The following LUZP2 variants were observed in gnomAD, a reference collection of about 807,000 sequenced individuals.
LUZP2 encodes the protein leucine zipper protein 2.
A neutral mutation model predicts 51.6 loss-of-function variants in LUZP2; 52 were observed. The observed-to-expected ratio is 1.01, with a 90% CI of 0.81 to 1.27. LUZP2 has a LOEUF of 1.27. Ranked by LOEUF, LUZP2 falls within the 50% of genes most tolerant of loss-of-function variation. LUZP2 has a pLI of 0.00. For missense variants in LUZP2, 436 were observed against 395.4 expected (o/e 1.10, Z -0.87); for synonymous variants, 154 against 137.3 (o/e 1.12, Z -0.85).
intron 10 of LUZP2, among the ~76,000 whole-genome samples, chr11:25,060,679 A>G (rs954977460): frequency 5.9e-5 from 9 of 152,198 alleles, no homozygotes; most frequent in Admixed American, 2.0e-4. Context: ...CCATAGGCAA[A>G]TACTGTTCTG....
At chr11:24,946,387 A>G (rs4923222) in intron 7 of LUZP2, among the ~76,000 whole-genome samples, 4 of 151,836 alleles carry the variant, frequency 2.6e-5, no homozygotes, top group African/African-American at 9.6e-5. Context: ...TTTGTTTCTG[A>G]TATGTCTCAT....
intron 1 of LUZP2, among the ~76,000 whole-genome samples, chr11:24,701,732 A>G (rs1404824828): frequency 6.6e-6 from 1 of 152,142 alleles, no homozygotes; most frequent in Non-Finnish European, 1.5e-5. Context: ...GTGATTTTTT[A>G]AGAGGTGACA....
intron 9 of LUZP2, among the ~76,000 whole-genome samples, chr11:24,998,040 A>C (rs1856560434): frequency 6.6e-6 from 1 of 152,082 alleles, no homozygotes; most frequent in Non-Finnish European, 1.5e-5. Context: ...ATATAGTTTG[A>C]AGTCAGGTAG....
At chr11:24,926,719 T>A (rs1457102496) in intron 7 of LUZP2, among the ~76,000 whole-genome samples, 1 of 150,808 alleles carries the variant, frequency 6.6e-6, no homozygotes, top group African/African-American at 2.4e-5. Context: ...AGTATCTTTT[T>A]TGCATAATGA....
intron 10 of LUZP2, among the ~76,000 whole-genome samples, chr11:25,062,953 C>T (rs990077686): frequency 6.6e-6 from 1 of 151,368 alleles, no homozygotes; most frequent in African/African-American, 2.4e-5. Flanking sequence ...ATAATGAATA[C>T]TTCTTAGTGC....
At chr11:24,959,535 C>T (rs1283128239) in intron 7 of LUZP2, among the ~76,000 whole-genome samples, 2 of 152,078 alleles carry the variant, frequency 1.3e-5, no homozygotes, top group Non-Finnish European at 2.9e-5. Flanking sequence ...TGGGAGTTCA[C>T]TCATGATTTG....
At chr11:24,747,988 G>T (rs569052080) in intron 4 of LUZP2, among the ~76,000 whole-genome samples, 1 of 152,138 alleles carries the variant, frequency 6.6e-6, no homozygotes, top group Non-Finnish European at 1.5e-5. Flanking sequence ...CCACCTTCCA[G>T]CTTTGAAAGA....
intron 1 of LUZP2, among the ~76,000 whole-genome samples, chr11:24,578,425 T>C (rs1319034759): frequency 6.6e-6 from 1 of 152,118 alleles, no homozygotes; most frequent in Non-Finnish European, 1.5e-5. Flanking sequence ...ATCTTATCCA[T>C]AGTCATTAAG....
At chr11:24,625,883 G>A (rs1216569462) in intron 1 of LUZP2, among the ~76,000 whole-genome samples, 2 of 151,432 alleles carry the variant, frequency 1.3e-5, no homozygotes, top group African/African-American at 2.4e-5. Context: ...GTGACCAACA[G>A]GAGTACAGCA....
intron 1 of LUZP2, among the ~76,000 whole-genome samples, chr11:24,612,632 G>A (rs917570108): frequency 3.3e-5 from 5 of 152,048 alleles, no homozygotes; most frequent in African/African-American, 1.2e-4. Context: ...TACTTTTAAA[G>A]ATAATAGATG....
At position 25,081,498 on chromosome 11, in the gene LUZP2, CTCTT is replaced by C. The variant is rs1859459041; in HGVS notation, c.*2843_*2846del. The C allele has an allele frequency of 6.6e-6, 1 of 151,318 alleles. No homozygotes were observed. Among genetic ancestry groups the C allele is most frequent in the South Asian group, 2.1e-4 (1 of 4,808 alleles). 9.4% of individuals were successfully genotyped at this position (151,318 alleles called of 1,614,324 possible). On this transcript the variant is annotated 3_prime_UTR_variant, in exon 12 of 12. Transcript: ENST00000336930. ...CCTTTTAATAACTAAGTTAGAGACT[CTCTT>C]TCAGTAAGTTCTATGACTGTACCTT...
intron 1 of LUZP2, among the ~76,000 whole-genome samples, chr11:24,607,193 AT>A (rs920968263): frequency 2.6e-5 from 4 of 151,176 alleles, no homozygotes; most frequent in African/African-American, 9.7e-5. Flanking sequence ...TTGATGTCAA[AT>A]CCAAAAAAAA....
intron 1 of LUZP2, among the ~76,000 whole-genome samples, chr11:24,539,667 A>G (rs900009087): frequency 6.6e-6 from 1 of 152,006 alleles, no homozygotes; most frequent in Admixed American, 6.6e-5. Context: ...CAAGTAATCA[A>G]TAGTGACAGA....
chr11:24,732,290 C>G, intron 3 of LUZP2, 102 bp downstream of exon 3: 1 of 815,246 alleles, frequency 1.2e-6, no homozygotes, highest in Non-Finnish European at 1.9e-6. Context: ...ACCTATTTAT[C>G]TTTTCACTTA....
rs534397339 is a variant in LUZP2 at position 24,627,090 on chromosome 11, A to T, written c.63-102079A>T. On this transcript the variant is annotated intron_variant, in intron 1 of 11. Coordinates refer to ENST00000336930, the MANE Select transcript of LUZP2 (RefSeq NM_001009909.4). Reference sequence around the variant, plus strand: ...TGATTGAGTAGAAAGACAATAATAAATCAGCCTGTTTAAAACTCTCCTAAT... The same window carrying T: ...TGATTGAGTAGAAAGACAATAATAATTCAGCCTGTTTAAAACTCTCCTAAT... Among the ~76,000 whole-genome samples the T allele has an allele frequency of 2.0e-5, 3 of 152,340 alleles. No individual in the cohort carries two copies. The South Asian group carries it at 6.2e-4, about 32-fold the overall frequency.
chr11:25,032,766 G>A (rs1031161153), intron 9 of LUZP2, among the ~76,000 whole-genome samples: 3 of 152,112 alleles, frequency 2.0e-5, no homozygotes, highest in Non-Finnish European at 4.4e-5. Context: ...GTTTATTCAA[G>A]AGATATGAAT....
At chr11:25,016,811 G>A (rs562255887) in intron 9 of LUZP2, among the ~76,000 whole-genome samples, 131 of 151,960 alleles carry the variant, frequency 8.6e-4, no homozygotes, top group Non-Finnish European at 1.5e-3. Flanking sequence ...TTACTGGATC[G>A]AATGGTAGAT....
intron 1 of LUZP2, among the ~76,000 whole-genome samples, chr11:24,568,947 T>C (rs543072239): frequency 6.6e-6 from 1 of 152,062 alleles, no homozygotes; most frequent in East Asian, 1.9e-4. Flanking sequence ...AAGCAATGTG[T>C]AAACCTTAAG....
At chr11:24,542,396 G>A (rs185763324) in intron 1 of LUZP2, among the ~76,000 whole-genome samples, 51 of 152,120 alleles carry the variant, frequency 3.4e-4, no homozygotes, top group South Asian at 1.5e-3. Flanking sequence ...TGATGCTTTA[G>A]ACAAGATCAG....
Sources: allele counts gnomAD v4.1 joint callset (sites outside exome capture counted in the v4.1 genomes callset), GRCh38; gene constraint gnomAD v4.1.1; transcripts MANE v1.5; gene names NCBI Gene and HGNC (gene_info 2026-07-23, HGNC 2026-07-21).